IGSF3: variants seen among roughly 807,000 people sequenced by gnomAD.
IGSF3 encodes glu-Trp-Ile EWI motif-containing protein 3.
IGSF3 carries 23 observed loss-of-function variants against 114.4 expected under a neutral mutation model. The ratio of observed to expected loss-of-function variants is 0.20; its 90% CI spans 0.14 to 0.28. The LOEUF is 0.28. IGSF3 is among the 10% of genes least tolerant of loss of function. The pLI, the probability that IGSF3 is intolerant of heterozygous loss-of-function variation, is 1.00. For synonymous variants in IGSF3, 571 were observed against 645.2 expected (o/e 0.88, Z 1.74); for missense variants, 1,172 against 1,591.5 (o/e 0.74, Z 4.48).
In IGSF3 at chr1:116,657,046, T is replaced by A. The variant is rs1648888895; in HGVS notation, c.43+9238A>T. Among the ~76,000 whole-genome samples the A allele has an allele frequency of 6.6e-6, 1 of 152,242 alleles. No homozygotes were observed. Among genetic ancestry groups the A allele is most frequent in the Non-Finnish European group, 1.5e-5 (1 of 68,044 alleles). ...CATAATACTTTACCCCAATACATTT[T>A]GTCTGCTGTTCTAAATCATGACTTA... On this transcript the variant is annotated intron_variant, in intron 2 of 10. Coordinates refer to ENST00000369486, the MANE Select transcript of IGSF3 (RefSeq NM_001007237.3). This position sits in a 1 kb window ranked among gnomAD's most constrained non-coding sequence, Gnocchi z 4.2.
intron 5 of IGSF3, chr1:116,606,655 C>T: frequency 1.5e-6 from 1 of 649,056 alleles, no homozygotes; most frequent in Non-Finnish European, 2.8e-6. Flanking sequence ...GCGTGGCTGC[C>T]CTTCACTTGA....
At chr1:116,581,037 A>G (rs1029533673) in intron 9 of IGSF3, among the ~76,000 whole-genome samples, 4 of 152,234 alleles carry the variant, frequency 2.6e-5, no homozygotes, top group Admixed American at 2.6e-4. Flanking sequence ...AGCCCTGGGA[A>G]TTTAAAACAC....
chr1:116,604,064 G>A (rs532937935), intron 5 of IGSF3, 39 bp from the exon 6 acceptor site: 31 of 1,467,868 alleles, frequency 2.1e-5, no homozygotes, highest in East Asian at 7.1e-5. Flanking sequence ...GAGGCTTTAT[G>A]GTCTCCACAG....
intron 2 of IGSF3, among the ~76,000 whole-genome samples, chr1:116,621,293 T>G (rs1457222388): frequency 6.6e-6 from 1 of 152,120 alleles, no homozygotes; most frequent in Non-Finnish European, 1.5e-5. Flanking sequence ...AAACCTCTTT[T>G]CTTTATAAAT....
At position 116,600,027 on chromosome 1, in the gene IGSF3, T is replaced by C. The variant is rs1327356094; in HGVS notation, c.1943A>G (p.Glu648Gly). The C allele has an allele frequency of 2.5e-6, 4 of 1,614,188 alleles. No individual in the cohort carries two copies. In the South Asian group the frequency reaches 4.4e-5, roughly 18 times the overall value. The change falls in exon 7 of 11, where the codon GAG becomes GGG. Residue 648 changes from glutamate to glycine, a missense_variant. Coordinates refer to ENST00000369486, the MANE Select transcript of IGSF3 (RefSeq NM_001007237.3). The surrounding 1 kb of genome is among the most constrained non-coding windows in gnomAD (Gnocchi z 5.5). ...GTTGTTGTAGTTCTTCCGCCACAGCTCTGCCACACACTGGTACTTGCCTGC... is the reference window on the plus strand; with the variant it reads ...GTTGTTGTAGTTCTTCCGCCACAGCCCTGCCACACACTGGTACTTGCCTGC... ...TEAGKYQCVA[E>G]LWRKNYNNTW...
rs1648486834 is a variant in IGSF3, at chr1:116,648,306, C to T, written c.43+17978G>A. 6.6e-6 allele frequency among the ~76,000 whole-genome samples: 1 copy of T among 152,194 alleles called. No homozygotes were observed. Among genetic ancestry groups the T allele is most frequent in the South Asian group, 2.1e-4 (1 of 4,828 alleles). ...GAGAGGACAATGCCAGCAATGCCGG[C>T]TGTCTCCCAAGTCTGAAGGGTTTTC... On this transcript the variant is annotated intron_variant, in intron 2 of 10. Transcript: ENST00000369486. The surrounding 1 kb of genome is among the most constrained non-coding windows in gnomAD (Gnocchi z 4.7).
chr1:116,631,317 CAAA>C (rs939848949), intron 2 of IGSF3, among the ~76,000 whole-genome samples: 6 of 46,086 alleles, frequency 1.3e-4, no homozygotes, highest in African/African-American at 1.9e-4. Context: ...GACGCTGTCT[CAAA>C]AAAAAAAAAA....
At position 116,647,626 on chromosome 1, in the gene IGSF3, C is replaced by T. The variant is rs143980541; in HGVS notation, c.43+18658G>A. Among the ~76,000 whole-genome samples the T allele has an allele frequency of 5.8e-3, 876 of 152,310 alleles. 8 individuals carry two copies. The highest frequency in any genetic ancestry group is 0.019 in the African/African-American group (795 of 41,564). On this transcript the variant is annotated intron_variant, in intron 2 of 10. Coordinates refer to ENST00000369486, the MANE Select transcript of IGSF3 (RefSeq NM_001007237.3). This position sits in a 1 kb window ranked among gnomAD's most constrained non-coding sequence, Gnocchi z 4.6. ...AGGAAATGAGAGTTTAGAAAAGTAA[C>T]TTGCAAAATCATACTGCTGGCTCCA... is the stretch of plus-strand genomic sequence containing the variant.
At chr1:116,597,260 A>G (rs888795765) in intron 7 of IGSF3, among the ~76,000 whole-genome samples, 11 of 152,216 alleles carry the variant, frequency 7.2e-5, no homozygotes, top group African/African-American at 2.7e-4. Flanking sequence ...ATATACACCA[A>G]GTGTCCAACA....
chr1:116,633,546 G>A lies in IGSF3; in HGVS notation c.44-17089C>T, dbSNP rs1284623445. Among the ~76,000 whole-genome samples, 1 of 151,976 alleles carries A rather than the reference G, an allele frequency of 6.6e-6. No homozygotes were observed. Among genetic ancestry groups the A allele is most frequent in the Non-Finnish European group, 1.5e-5 (1 of 68,000 alleles). ...TTTCCCTAACTATATATTCCCCTAT[G>A]CCATGGAAAGGTGCATGTAAGTGAG... is the stretch of plus-strand genomic sequence containing the variant. On this transcript the variant is annotated intron_variant, in intron 2 of 10. Transcript: ENST00000369486. The surrounding 1 kb of genome is among the most constrained non-coding windows in gnomAD (Gnocchi z 4.3).
rs1310118654 is a variant in IGSF3 at position 116,624,408 on chromosome 1, G to C, written c.44-7951C>G. Among the ~76,000 whole-genome samples, 1 of 152,134 alleles carries C rather than the reference G, an allele frequency of 6.6e-6. No homozygotes were observed. The highest frequency in any genetic ancestry group is 1.5e-5 in the Non-Finnish European group (1 of 68,026). ...CCTCAGTTTCCTCATCTGTAAAGTG[G>C]TATAATTGTCACAGCGTTATGGAAG... On this transcript the variant is annotated intron_variant, in intron 2 of 10. Transcript: ENST00000369486. This position sits in a 1 kb window ranked among gnomAD's most constrained non-coding sequence, Gnocchi z 4.9.
chr1:116,635,426 T>C (rs938373737), intron 2 of IGSF3, among the ~76,000 whole-genome samples: 14 of 152,212 alleles, frequency 9.2e-5, no homozygotes, highest in African/African-American at 3.4e-4. Flanking sequence ...GGAGTGTCCC[T>C]AGATTCTGCT....
At chr1:116,626,088 T>G (rs952903614) in intron 2 of IGSF3, among the ~76,000 whole-genome samples, 2 of 152,188 alleles carry the variant, frequency 1.3e-5, no homozygotes, top group Non-Finnish European at 2.9e-5. Context: ...AAAAATATTT[T>G]AAACATGCTA....
Position 116,650,293 on chromosome 1 carries a change from C to G in IGSF3, c.43+15991G>C, listed in dbSNP as rs1405533047. ...CCCTCAGGGTTTTTCCCATCTCTTC[C>G]CGTCTGCTGGCCTCAACAAACCTGC... On this transcript the variant is annotated intron_variant, in intron 2 of 10. Transcript: ENST00000369486. The surrounding 1 kb of genome is among the most constrained non-coding windows in gnomAD (Gnocchi z 5.0). 6.6e-6 allele frequency among the ~76,000 whole-genome samples: 1 copy of G among 152,202 alleles called. No homozygotes were observed. Among genetic ancestry groups the G allele is most frequent in the East Asian group, 1.9e-4 (1 of 5,202 alleles).
rs1176831513 is a variant in IGSF3, at chr1:116,650,179, T to C, written c.43+16105A>G. Among the ~76,000 whole-genome samples, 2 of 152,226 alleles carry C rather than the reference T, an allele frequency of 1.3e-5. No homozygotes were observed. The highest frequency in any genetic ancestry group is 4.8e-5 in the African/African-American group (2 of 41,454). On this transcript the variant is annotated intron_variant, in intron 2 of 10. Transcript: ENST00000369486. The surrounding 1 kb of genome is among the most constrained non-coding windows in gnomAD (Gnocchi z 5.0). Reference sequence around the variant, plus strand: ...GGAGTGTCTAACATAGGTTAGACACTATAAGTAGTAGAAAATTCCAACTCA... The same window carrying C: ...GGAGTGTCTAACATAGGTTAGACACCATAAGTAGTAGAAAATTCCAACTCA...
intron 2 of IGSF3, among the ~76,000 whole-genome samples, chr1:116,656,788 C>T (rs1395445907): frequency 2.0e-5 from 3 of 151,912 alleles, no homozygotes; most frequent in Admixed American, 6.6e-5. Context: ...ATTAGCCGGG[C>T]GTGGTGGAGG....
rs1661051780 is a variant in IGSF3, at chr1:116,612,317, C to A, written c.832+1448G>T. Among the ~76,000 whole-genome samples the A allele has an allele frequency of 6.6e-6, 1 of 152,090 alleles. No individual in the cohort carries two copies. Among genetic ancestry groups the A allele is most frequent in the South Asian group, 2.1e-4 (1 of 4,828 alleles). ...CAGAGCAGATAAAGTGCTCCCTATCCCTACCAACCCCTACGGTAAAAGATT... is the reference window on the plus strand; with the variant it reads ...CAGAGCAGATAAAGTGCTCCCTATCACTACCAACCCCTACGGTAAAAGATT... On this transcript the variant is annotated intron_variant, in intron 4 of 10. Coordinates refer to ENST00000369486, the MANE Select transcript of IGSF3 (RefSeq NM_001007237.3). The surrounding 1 kb of genome is among the most constrained non-coding windows in gnomAD (Gnocchi z 4.1).
chr1:116,652,100 T>C (rs1162898369), intron 2 of IGSF3, among the ~76,000 whole-genome samples: 1 of 152,224 alleles, frequency 6.6e-6, no homozygotes, highest in Admixed American at 6.5e-5. Context: ...TTGGAATTTC[T>C]GATACTGATG....
At chr1:116,591,551 A>T (rs887669266) in intron 7 of IGSF3, among the ~76,000 whole-genome samples, 2 of 152,084 alleles carry the variant, frequency 1.3e-5, no homozygotes, top group Non-Finnish European at 2.9e-5. Flanking sequence ...AAGCATTTCC[A>T]TTTTTTTTCC....
Sources: gnomAD v4.1 joint callset for allele counts (sites outside exome capture counted in the v4.1 genomes callset) on GRCh38, gnomAD v4.1.1 for gene constraint, Gnocchi (gnomAD v3.1) non-coding constraint, MANE v1.5 for transcripts, NCBI Gene and HGNC (gene_info 2026-07-23, HGNC 2026-07-21) for gene names.